ROBO2: variants seen among roughly 807,000 people sequenced by gnomAD.
The protein encoded by ROBO2 is roundabout guidance receptor 2.
ROBO2 carries 53 observed loss-of-function variants against 160.8 expected under a neutral mutation model. That is an observed-to-expected ratio of 0.33 (90% CI 0.26 to 0.41). ROBO2 has a LOEUF of 0.41. Among genes scored for constraint, ROBO2 ranks in the 10% least tolerant of loss-of-function variants. The probability of loss-of-function intolerance (pLI) is 1.00; values close to 1 mark genes in which losing one functional copy is unlikely to be tolerated. For synonymous variants in ROBO2, 664 were observed against 611.7 expected, an observed-to-expected ratio of 1.09 and a Z score of -1.26; for missense variants, 1,577 against 1,722.4, an observed-to-expected ratio of 0.92 and a Z score of 1.49.
chr3:77,039,239 A>G (rs1324168326), upstream of ROBO2, among the ~76,000 whole-genome samples: 1 of 152,006 alleles, frequency 6.6e-6, no homozygotes, highest in African/African-American at 2.4e-5. Context: ...TCTACACACA[A>G]CCTTTCCAGT....
upstream of ROBO2, among the ~76,000 whole-genome samples, chr3:77,038,485 A>G (rs2063765693): frequency 6.6e-6 from 1 of 152,144 alleles, no homozygotes; most frequent in Non-Finnish European, 1.5e-5. Flanking sequence ...GACCTAAGTT[A>G]AGTAGCAGCA....
intron 2 of ROBO2, among the ~76,000 whole-genome samples, chr3:77,465,722 T>C (rs1477880049): frequency 2.6e-5 from 4 of 152,214 alleles, no homozygotes; most frequent in Non-Finnish European, 4.4e-5. Context: ...ATTAATTCTC[T>C]TCATGAGAAC....
At chr3:77,538,345 T>C (rs1486897583) in intron 6 of ROBO2, among the ~76,000 whole-genome samples, 1 of 151,662 alleles carries the variant, frequency 6.6e-6, no homozygotes, top group Non-Finnish European at 1.5e-5. Context: ...GCCCAGATAA[T>C]TTTTTGTATT....
At chr3:76,734,420 G>A (rs1033223788) in intron 2 of ROBO2, among the ~76,000 whole-genome samples, 2 of 152,122 alleles carry the variant, frequency 1.3e-5, no homozygotes, top group African/African-American at 4.8e-5. Context: ...TTATTAAACT[G>A]TTTAACGTTT....
intron 2 of ROBO2, among the ~76,000 whole-genome samples, chr3:76,302,635 T>C (rs1709419611): frequency 6.6e-6 from 1 of 152,152 alleles, no homozygotes; most frequent in African/African-American, 2.4e-5. Flanking sequence ...GCAGAAATAC[T>C]TTCCATTGTA....
At chr3:76,947,687 T>A in intron 2 of ROBO2, among the ~76,000 whole-genome samples, 1 of 151,734 alleles carries the variant, frequency 6.6e-6, no homozygotes, top group African/African-American at 2.4e-5. Flanking sequence ...AATTTCAAAT[T>A]CCTGCAATCG....
At chr3:76,150,710 T>G (rs1179351986) in intron 2 of ROBO2, among the ~76,000 whole-genome samples, 2 of 152,136 alleles carry the variant, frequency 1.3e-5, no homozygotes, top group East Asian at 3.9e-4. Flanking sequence ...AAATACCACT[T>G]CATCCCCAAT....
intron 2 of ROBO2, among the ~76,000 whole-genome samples, chr3:76,613,010 G>A (rs150856099): frequency 2.6e-5 from 4 of 151,918 alleles, no homozygotes; most frequent in East Asian, 1.9e-4. Flanking sequence ...CAGATGATTC[G>A]GTCTTGTTTT....
At chr3:77,293,259 T>C (rs13070506) in intron 2 of ROBO2, among the ~76,000 whole-genome samples, 2 of 61,488 alleles carry the variant, frequency 3.3e-5, no homozygotes, top group African/African-American at 1.3e-4. Context: ...TTGACGGTTA[T>C]ACAGGTAAGC....
At chr3:75,996,790 ATTC>A (rs1482939049) in intron 2 of ROBO2, among the ~76,000 whole-genome samples, 5 of 150,168 alleles carry the variant, frequency 3.3e-5, no homozygotes, top group African/African-American at 1.2e-4. Flanking sequence ...TAAATCATCA[ATTC>A]TGATATATGT....
intron 2 of ROBO2, among the ~76,000 whole-genome samples, chr3:76,566,316 G>A (rs2084517692): frequency 1.3e-5 from 2 of 152,200 alleles, no homozygotes; most frequent in Non-Finnish European, 2.9e-5. Flanking sequence ...CATCTGGGCT[G>A]TGAAGAGAGC....
chr3:77,422,897 T>A (rs528623006), intron 2 of ROBO2, among the ~76,000 whole-genome samples: 2 of 152,308 alleles, frequency 1.3e-5, no homozygotes, highest in South Asian at 4.1e-4. Flanking sequence ...AGAGATGATA[T>A]GCCACTGGAA....
At chr3:77,394,135 G>A (rs921339346) in intron 2 of ROBO2, among the ~76,000 whole-genome samples, 27 of 152,234 alleles carry the variant, frequency 1.8e-4, no homozygotes, top group African/African-American at 6.5e-4. Flanking sequence ...AAAGCGGCAA[G>A]CATCTGTACT....
At chr3:77,032,342 T>C (rs1209432186) in intron 2 of ROBO2, among the ~76,000 whole-genome samples, 1 of 152,200 alleles carries the variant, frequency 6.6e-6, no homozygotes, top group East Asian at 1.9e-4. Flanking sequence ...CAATTTGAGC[T>C]TTCATTAACT....
At chr3:76,755,942 C>T (rs143549729) in intron 2 of ROBO2, among the ~76,000 whole-genome samples, 89 of 151,828 alleles carry the variant, frequency 5.9e-4, no homozygotes, top group African/African-American at 2.0e-3. Context: ...ACCCTACTCA[C>T]CTAATGGTAT....
At chr3:77,041,253 T>C (rs2064061757) in intron 1 of ROBO2, among the ~76,000 whole-genome samples, 1 of 152,222 alleles carries the variant, frequency 6.6e-6, no homozygotes, top group South Asian at 2.1e-4. Context: ...AATACAGTAA[T>C]AGACACTCTA....
intron 2 of ROBO2, among the ~76,000 whole-genome samples, chr3:77,368,857 G>T (rs944013320): frequency 6.6e-6 from 1 of 152,050 alleles, no homozygotes; most frequent in Non-Finnish European, 1.5e-5. Context: ...TCTTTTATTT[G>T]ACAAAATTCA....
At chr3:76,839,397 T>C (rs977110734) in intron 2 of ROBO2, among the ~76,000 whole-genome samples, 31 of 152,302 alleles carry the variant, frequency 2.0e-4, no homozygotes, top group African/African-American at 7.5e-4. Flanking sequence ...AGGAACCTTA[T>C]TTCACTTAAT....
intron 2 of ROBO2, among the ~76,000 whole-genome samples, chr3:77,136,107 C>G (rs2076256121): frequency 6.6e-6 from 1 of 152,072 alleles, no homozygotes; most frequent in Admixed American, 6.5e-5. Context: ...GGGTTTGGGA[C>G]ATGGTTGTAC....
Sources: allele counts gnomAD v4.1 joint callset (sites outside exome capture counted in the v4.1 genomes callset), GRCh38; gene constraint gnomAD v4.1.1; transcripts MANE v1.5; gene names NCBI Gene and HGNC (gene_info 2026-07-23, HGNC 2026-07-21).